ATP5ME: variants seen among roughly 807,000 people sequenced by gnomAD.
The protein encoded by ATP5ME is ATP synthase membrane subunit e, also known as ATP synthase F(0) complex subunit e, mitochondrial.
Under a neutral mutation model 11.6 loss-of-function variants are expected in ATP5ME, and 10 were observed. The ratio of observed to expected loss-of-function variants is 0.86; its 90% CI spans 0.53 to 1.46. The LOEUF is 1.46. Among genes scored for constraint, ATP5ME ranks in the 40% most tolerant of loss-of-function variants. ATP5ME has a pLI of 0.00. For synonymous variants in ATP5ME, 45 were observed against 33.5 expected (o/e 1.34, Z -1.19); for missense variants, 115 against 85.4 (o/e 1.35, Z -1.37).
chr4:673,428 A>C (rs1471378434), intron 2 of ATP5ME, 27 bp from the exon 3 acceptor site: 1 of 1,613,948 alleles, frequency 6.2e-7, no homozygotes, highest in African/African-American at 1.3e-5. Flanking sequence ...AGGAGAATAA[A>C]ATTCACTGGA....
chr4:673,300 TA>T lies in ATP5ME; in HGVS notation c.190+2del. 1 of 1,614,208 alleles carries T rather than the reference TA, an allele frequency of 6.2e-7. No individual in the cohort carries two copies. Among genetic ancestry groups the T allele is most frequent in the Non-Finnish European group, 8.5e-7 (1 of 1,180,000 alleles). On this transcript the variant is annotated splice_donor_variant, in intron 3 of 3. Transcript: ENST00000304312. LOFTEE classifies it high-confidence loss of function. ...AATCTATAAGAGCCAGTGTCACTCG[TA>T]CCTTCTGCCAATTCTCTGGCAATCC...
chr4:672,550 T>C (rs1738562231), intron 3 of ATP5ME, 31 bp from the exon 4 acceptor site: 2 of 1,613,070 alleles, frequency 1.2e-6, no homozygotes, highest in African/African-American at 1.3e-5. Flanking sequence ...GAAAAGCACA[T>C]GTTACCACTC....
At chr4:674,131 C>G in intron 1 of ATP5ME, 81 bp downstream of exon 1, 1 of 1,440,558 alleles carries the variant, frequency 6.9e-7, no homozygotes, top group Non-Finnish European at 9.3e-7. Flanking sequence ...GGCCGGGGGT[C>G]GCAGCCCGCG....
Position 673,374 on chromosome 4 carries a change from T to C in ATP5ME, c.119A>G (p.Glu40Gly). Residue 40 changes from glutamate to glycine, a missense_variant, in exon 3 of 4, where the codon GAG (glutamate) becomes GGG (glycine). Coordinates refer to ENST00000304312, the MANE Select transcript of ATP5ME (RefSeq NM_007100.4). ...CTTCTCTTCTGCTGCTATCCTCCTC[T>C]CCTCTTCTGCCCGAGGTTTTAGGTA... is the stretch of plus-strand genomic sequence containing the variant. ...YNYLKPRAEE[E>G]RRIAAEEKKK... is the part of the protein sequence containing the mutation. 1 of 1,614,130 alleles carries C rather than the reference T, an allele frequency of 6.2e-7. No homozygotes were observed. Among genetic ancestry groups the C allele is most frequent in the South Asian group, 1.1e-5 (1 of 91,084 alleles).
intron 2 of ATP5ME, 87 bp downstream of exon 2, chr4:673,825 T>A: frequency 6.7e-7 from 1 of 1,502,856 alleles, no homozygotes; most frequent in Non-Finnish European, 9.0e-7. Flanking sequence ...CCAAGCCCCC[T>A]TCCAGAGCTG....
rs920052741 is a variant in ATP5ME, at chr4:673,389, G to A, written c.104C>T (p.Pro35Leu). The change falls in exon 3 of 4, where the codon CCT becomes CTT. Residue 35 changes from proline to leucine, a missense_variant. By Grantham distance (98) the Pro-to-Leu change is moderately conservative. Coordinates refer to ENST00000304312, the MANE Select transcript of ATP5ME (RefSeq NM_007100.4). ...YGATRYNYLK[P>L]RAEEERRIAA... The stretch of plus-strand genomic sequence containing the variant: ...TATCCTCCTCTCCTCTTCTGCCCGA[G>A]GTTTTAGGTAATCTGTTTGGCGGAA... 2 of 1,614,094 alleles carry A rather than the reference G, an allele frequency of 1.2e-6. No homozygotes were observed. The highest frequency in any genetic ancestry group is 1.7e-6 in the Non-Finnish European group (2 of 1,179,996).
chr4:673,902 G>T lies in ATP5ME; in HGVS notation c.91+10C>A, dbSNP rs1439863529. 1.3e-6 allele frequency: 2 copies of T among 1,545,952 alleles called. No individual in the cohort carries two copies. Among genetic ancestry groups the T allele is most frequent in the Admixed American group, 3.9e-5 (2 of 50,998 alleles). On this transcript the variant is annotated intron_variant, in intron 2 of 3. Transcript: ENST00000304312. ...CAGACCCCGCCCCGGCCCCGCCCGC[G>T]GTCACTCACTGTAGCGCGTGGCTCC...
At chr4:672,634 C>T (rs1167843363) in intron 3 of ATP5ME, 115 bp from the exon 4 acceptor site, 8 of 1,198,900 alleles carry the variant, frequency 6.7e-6, no homozygotes, top group African/African-American at 4.7e-5. Flanking sequence ...GACGGAGTCT[C>T]GCTCTGTCAC....
In ATP5ME at chr4:673,475, G is replaced by A. The variant is rs1468424131; in HGVS notation, c.92-74C>T. ...AAAGGAACTGAGTCCACAGGTCAAG[G>A]TATCTTCAGCGACGCTGTAAACCAG... On this transcript the variant is annotated intron_variant, in intron 2 of 3. Coordinates refer to ENST00000304312, the MANE Select transcript of ATP5ME (RefSeq NM_007100.4). The A allele has an allele frequency of 3.1e-6, 5 of 1,608,032 alleles. No individual in the cohort carries two copies. The African/African-American group carries it at 5.3e-5, about 17-fold the overall frequency.
intron 1 of ATP5ME, 88 bp downstream of exon 1, chr4:674,124 C>A: frequency 1.7e-6 from 1 of 579,050 alleles, no homozygotes; most frequent in South Asian, 3.3e-5. Flanking sequence ...GGGCGGGGGC[C>A]GGGGGTCGCA....
chr4:673,234 C>T, intron 3 of ATP5ME, 69 bp downstream of exon 3: 2 of 1,610,680 alleles, frequency 1.2e-6, no homozygotes, highest in Non-Finnish European at 1.7e-6. Context: ...CTTAAATGTC[C>T]TCCTCCATTT....
chr4:673,763 C>A (rs1002173072), intron 2 of ATP5ME, 149 bp downstream of exon 2: 2 of 1,178,028 alleles, frequency 1.7e-6, no homozygotes, highest in African/African-American at 1.5e-5. Context: ...GCTGATTCCA[C>A]TATCGGGGTC....
At chr4:674,178 G>A (rs778952566) in intron 1 of ATP5ME, 34 bp downstream of exon 1, 8 of 1,607,710 alleles carry the variant, frequency 5.0e-6, no homozygotes, top group Non-Finnish European at 6.8e-6. Context: ...GGGGGGCCCA[G>A]AGCACTGGGC....
At chr4:672,558 C>T in intron 3 of ATP5ME, 39 bp from the exon 4 acceptor site, 1 of 1,610,056 alleles carries the variant, frequency 6.2e-7, no homozygotes, top group Non-Finnish European at 8.5e-7. Context: ...CATGTTACCA[C>T]TCAGGCAACC....
At chr4:673,181 C>A in intron 3 of ATP5ME, 122 bp downstream of exon 3, 1 of 1,490,724 alleles carries the variant, frequency 6.7e-7, no homozygotes. Flanking sequence ...CCACGCCTGG[C>A]CAGCTTCCCC....
upstream of ATP5ME, chr4:674,276 CAACCTGCAG>C (rs1284990696): frequency 1.4e-5 from 23 of 1,610,176 alleles, no homozygotes; most frequent in Non-Finnish European, 2.0e-5. Context: ...ACCGGAAGCA[CAACCTGCAG>C]ACGGAGCAGG....
At chr4:673,657 C>G in intron 2 of ATP5ME, 1 of 759,580 alleles carries the variant, frequency 1.3e-6, no homozygotes, top group Non-Finnish European at 2.1e-6. Context: ...CCATCAAGAC[C>G]TCAGCACTCG....
intron 3 of ATP5ME, 80 bp from the exon 4 acceptor site, chr4:672,599 T>TA: frequency 1.0e-5 from 8 of 779,806 alleles, no homozygotes; most frequent in East Asian, 3.4e-5. Flanking sequence ...CCCAGTTATT[T>TA]TTTTTTTTTT....
In ATP5ME at chr4:673,390, G is replaced by A. The variant is rs1393776640; in HGVS notation, c.103C>T (p.Pro35Ser). 4 of 1,614,002 alleles carry A rather than the reference G, an allele frequency of 2.5e-6. No individual in the cohort carries two copies. Among genetic ancestry groups the A allele is most frequent in the African/African-American group, 2.7e-5 (2 of 74,928 alleles). The change falls in exon 3 of 4, where the codon CCT becomes TCT. Residue 35 changes from proline (P) to serine (S), a missense_variant. Pro to Ser is a moderately conservative substitution (Grantham distance 74, BLOSUM62 -1). Coordinates refer to ENST00000304312, the MANE Select transcript of ATP5ME (RefSeq NM_007100.4). Reference protein sequence around the residue: ...YGATRYNYLKPRAEEERRIAA... With the variant: ...YGATRYNYLKSRAEEERRIAA... Reference sequence around the variant, plus strand: ...ATCCTCCTCTCCTCTTCTGCCCGAGGTTTTAGGTAATCTGTTTGGCGGAAT... The same window carrying A: ...ATCCTCCTCTCCTCTTCTGCCCGAGATTTTAGGTAATCTGTTTGGCGGAAT...
Sources: gnomAD v4.1 joint callset for allele counts on GRCh38, gnomAD v4.1.1 for gene constraint, MANE v1.5 for transcripts, NCBI Gene and HGNC (gene_info 2026-07-23, HGNC 2026-07-21) for gene names.